Variants in IGF1 observed in about 807,000 individuals in gnomAD.
IGF1 encodes insulin-like growth factor 1.
Under a neutral mutation model 13.8 loss-of-function variants are expected in IGF1, and 4 were observed. That is an observed-to-expected ratio of 0.29 (90% CI 0.14 to 0.66). IGF1 has a LOEUF of 0.66. IGF1 is among the 30% of genes least tolerant of loss of function. IGF1 has a pLI of 0.78. For missense variants in IGF1, 124 were observed against 188.5 expected (o/e 0.66, Z 2.00); for synonymous variants, 76 against 72.6 (o/e 1.05, Z -0.23).
chr12:102,453,764 T>C (rs1235363254), intron 2 of IGF1, among the ~76,000 whole-genome samples: 1 of 152,196 alleles, frequency 6.6e-6, no homozygotes, highest in Non-Finnish European at 1.5e-5. Context: ...GCTGTCAAGG[T>C]TGTCAGGTAC....
chr12:102,436,039 C>G (rs189830057), intron 2 of IGF1, among the ~76,000 whole-genome samples: 2 of 152,290 alleles, frequency 1.3e-5, no homozygotes, highest in African/African-American at 4.8e-5. Flanking sequence ...ACACAGAAAG[C>G]CTTCATATCT....
intron 3 of IGF1, among the ~76,000 whole-genome samples, chr12:102,403,623 A>ATTTT (rs142169670): frequency 7.4e-5 from 6 of 80,586 alleles, no homozygotes; most frequent in Non-Finnish European, 1.1e-4. Flanking sequence ...TGCCTTGACA[A>ATTTT]TTTTTTTTTT....
chr12:102,418,755 T>C (rs185889619), intron 3 of IGF1, among the ~76,000 whole-genome samples: 56 of 152,378 alleles, frequency 3.7e-4, no homozygotes, highest in African/African-American at 1.2e-3. Flanking sequence ...AGTGACTAAA[T>C]GTGCATCAGA....
intron 2 of IGF1, among the ~76,000 whole-genome samples, chr12:102,440,102 C>T (rs555861053): frequency 4.6e-5 from 7 of 152,290 alleles, no homozygotes; most frequent in African/African-American, 4.8e-5. Flanking sequence ...TTGATTCTTA[C>T]GGCCGCTAAG....
At chr12:102,467,638 G>T (rs1479309866) in intron 2 of IGF1, among the ~76,000 whole-genome samples, 1 of 152,170 alleles carries the variant, frequency 6.6e-6, no homozygotes, top group Admixed American at 6.5e-5. Context: ...CCACAGCGAG[G>T]GAGCAAAAGT....
At chr12:102,436,757 C>T (rs908688302) in intron 2 of IGF1, among the ~76,000 whole-genome samples, 2 of 152,150 alleles carry the variant, frequency 1.3e-5, no homozygotes, top group Non-Finnish European at 2.9e-5. Context: ...ATTTCTCGAG[C>T]GAGTGATAGA....
intron 3 of IGF1, among the ~76,000 whole-genome samples, chr12:102,418,988 A>G (rs1875418176): frequency 6.6e-6 from 1 of 152,254 alleles, no homozygotes; most frequent in South Asian, 2.1e-4. Context: ...GGAAGATTGT[A>G]GAATCTCAGA....
chr12:102,446,008 T>C (rs925891778), intron 2 of IGF1, among the ~76,000 whole-genome samples: 7 of 152,210 alleles, frequency 4.6e-5, no homozygotes, highest in Non-Finnish European at 7.3e-5. Context: ...TTTTTGTCAT[T>C]GGTTCTGTTT....
At chr12:102,468,885 T>C (rs934670029) in intron 2 of IGF1, among the ~76,000 whole-genome samples, 1 of 152,206 alleles carries the variant, frequency 6.6e-6, no homozygotes, top group African/African-American at 2.4e-5. Flanking sequence ...TCACTGTGTC[T>C]GAATCTGTGG....
chr12:102,443,073 G>C (rs1277145814), intron 2 of IGF1, among the ~76,000 whole-genome samples: 2 of 151,934 alleles, frequency 1.3e-5, no homozygotes, highest in African/African-American at 2.4e-5. Context: ...GTAGTGTCTT[G>C]ATTTGGGGCA....
chr12:102,450,208 A>G (rs1386609455), intron 2 of IGF1, among the ~76,000 whole-genome samples: 1 of 152,060 alleles, frequency 6.6e-6, no homozygotes, highest in African/African-American at 2.4e-5. Flanking sequence ...ACTAAATTTC[A>G]TGCTCTCCTT....
At chr12:102,459,394 T>C (rs4764697) in intron 2 of IGF1, among the ~76,000 whole-genome samples, 112,982 of 151,990 alleles carry the variant, frequency 0.74, 42,119 homozygotes, top group East Asian at 0.84. Flanking sequence ...GTCTTGCACA[T>C]AGCACGATCA....
chr12:102,432,123 G>A (rs1043029805), intron 2 of IGF1, among the ~76,000 whole-genome samples: 2 of 151,974 alleles, frequency 1.3e-5, no homozygotes, highest in Non-Finnish European at 2.9e-5. Context: ...ACATTATTTT[G>A]GCATAGCTAC....
intron 2 of IGF1, among the ~76,000 whole-genome samples, chr12:102,453,297 G>C (rs1274137211): frequency 1.3e-5 from 2 of 152,124 alleles, no homozygotes; most frequent in Non-Finnish European, 2.9e-5. Flanking sequence ...GTTCCCTATA[G>C]AGCTTGGCAT....
At chr12:102,451,971 T>C (rs1878976158) in intron 2 of IGF1, among the ~76,000 whole-genome samples, 1 of 152,124 alleles carries the variant, frequency 6.6e-6, no homozygotes, top group Non-Finnish European at 1.5e-5. Flanking sequence ...ATGTAAGATA[T>C]GTCTACTTCG....
At chr12:102,412,375 C>G (rs2136970677) in intron 3 of IGF1, among the ~76,000 whole-genome samples, 1 of 152,098 alleles carries the variant, frequency 6.6e-6, no homozygotes, top group East Asian at 1.9e-4. Flanking sequence ...TGCAACAATG[C>G]TAGAACACAA....
chr12:102,435,942 T>C (rs552618923), intron 2 of IGF1, among the ~76,000 whole-genome samples: 1 of 152,360 alleles, frequency 6.6e-6, no homozygotes, highest in South Asian at 2.1e-4. Flanking sequence ...ACTCCTAATA[T>C]GTGTGTATAT....
At chr12:102,469,090 T>C (rs1459404343) in intron 2 of IGF1, among the ~76,000 whole-genome samples, 17 of 152,194 alleles carry the variant, frequency 1.1e-4, no homozygotes, top group Admixed American at 1.1e-3. Context: ...TACATTTCAA[T>C]ACCAATGGTC....
At chr12:102,460,786 G>A (rs12305089) in intron 2 of IGF1, among the ~76,000 whole-genome samples, 2,919 of 152,204 alleles carry the variant, frequency 0.019, 80 homozygotes, top group African/African-American at 0.068. Context: ...AAAATAATAT[G>A]CATTAAATCT....
Sources: gnomAD v4.1 joint callset for allele counts (sites outside exome capture counted in the v4.1 genomes callset) on GRCh38, gnomAD v4.1.1 for gene constraint, MANE v1.5 for transcripts, NCBI Gene and HGNC (gene_info 2026-07-23, HGNC 2026-07-21) for gene names.